The following LZTS1 variants were observed in gnomAD, a reference collection of about 807,000 sequenced individuals.
LZTS1 encodes the protein leucine zipper tumor suppressor 1.
A neutral mutation model predicts 45.8 loss-of-function variants in LZTS1; 31 were observed. The observed-to-expected ratio is 0.68, with a 90% CI of 0.51 to 0.91. LZTS1 has a LOEUF of 0.91. LZTS1 is among the 40% of genes least tolerant of loss of function. LZTS1 has a pLI of 0.00. For synonymous variants in LZTS1, 359 were observed against 357.3 expected (o/e 1.00, Z -0.05); for missense variants, 821 against 788.9 (o/e 1.04, Z -0.49).
intron 1 of LZTS1, among the ~76,000 whole-genome samples, chr8:20,269,330 G>A (rs1487661827): frequency 1.3e-5 from 2 of 152,190 alleles, no homozygotes; most frequent in Non-Finnish European, 2.9e-5. Context: ...CTGGGCATCT[G>A]GCTAGACTCC....
rs779919426 is a variant in LZTS1, at chr8:20,255,200, A to G, written c.-19T>C. On this transcript the variant is annotated 5_prime_UTR_variant, in exon 2 of 4. Transcript: ENST00000381569. ...TGCCCATGGTGACTCGGGGCTGAGG[A>G]TGGGGCAGGGCCGGGCAGGGTCTTG... The G allele has an allele frequency of 1.2e-6, 2 of 1,602,906 alleles. No individual in the cohort carries two copies. Among genetic ancestry groups the G allele is most frequent in the East Asian group, 4.5e-5 (2 of 44,792 alleles).
Position 20,249,862 on chromosome 8 carries a change from C to T in LZTS1, c.1651G>A (p.Val551Met), listed in dbSNP as rs1194150501. The part of the protein sequence containing the change: ...QYQKQLQQSY[V>M]AMYQRNQRLE... ...CGCTGGTTCCGCTGGTACATGGCCA[C>T]GTAGCTCTGCTGCAGCTGTTTCTGG... is the stretch of plus-strand genomic sequence containing the variant. Residue 551 changes from valine (V) to methionine (M), a missense_variant, in exon 4 of 4, where the codon GTG (valine) becomes ATG (methionine). Transcript: ENST00000381569. The T allele has an allele frequency of 9.9e-6, 16 of 1,614,094 alleles. No homozygotes were observed. The Admixed American group carries it at 1.8e-4, about 18-fold the overall frequency.
At chr8:20,272,780 C>A (rs1023789220) in intron 1 of LZTS1, among the ~76,000 whole-genome samples, 2 of 152,240 alleles carry the variant, frequency 1.3e-5, no homozygotes, top group African/African-American at 4.8e-5. Flanking sequence ...AGAAGTCTGT[C>A]TTCATCTCAG....
chr8:20,303,330 C>T (rs908490519), intron 1 of LZTS1, among the ~76,000 whole-genome samples: 1 of 152,182 alleles, frequency 6.6e-6, no homozygotes, highest in Non-Finnish European at 1.5e-5. Flanking sequence ...GGACCGACCG[C>T]CGGACCCTCT....
In LZTS1 at chr8:20,250,237, G is replaced by T; in HGVS notation, c.1276C>A (p.Leu426Met). The T allele has an allele frequency of 6.2e-7, 1 of 1,613,326 alleles. No homozygotes were observed. Among genetic ancestry groups the T allele is most frequent in the South Asian group, 1.1e-5 (1 of 91,090 alleles). Residue 426 changes from leucine (L) to methionine (M), a missense_variant, in exon 4 of 4, where the codon CTG becomes ATG. Transcript: ENST00000381569. ...TGGGTCCTCAGCTCCAGGCCCTCCA[G>T]CTTGCCCCGCGTGTCCTTCAGCTGT... is the stretch of plus-strand genomic sequence containing the variant. ...KAQLKDTRGK[L>M]EGLELRTQDL...
intron 1 of LZTS1, among the ~76,000 whole-genome samples, chr8:20,297,086 G>A (rs968276533): frequency 6.6e-6 from 1 of 152,156 alleles, no homozygotes; most frequent in Non-Finnish European, 1.5e-5. Context: ...CTCCATGTGT[G>A]ATTGCCCCTG....
chr8:20,279,848 A>G (rs541302729), intron 1 of LZTS1, among the ~76,000 whole-genome samples: 1 of 151,472 alleles, frequency 6.6e-6, no homozygotes, highest in East Asian at 2.0e-4. Flanking sequence ...TAAGCTGGGC[A>G]TGGTAGCACA....
intron 1 of LZTS1, among the ~76,000 whole-genome samples, chr8:20,271,573 C>T (rs1368514297): frequency 6.6e-6 from 1 of 152,176 alleles, no homozygotes; most frequent in Non-Finnish European, 1.5e-5. Flanking sequence ...CCTCCTTGCC[C>T]TTCTGGCCCC....
rs149813073 is a variant in LZTS1 at position 20,267,733 on chromosome 8, T to C, written c.-134-12418A>G. Among the ~76,000 whole-genome samples, 651 of 152,222 alleles carry C rather than the reference T, an allele frequency of 4.3e-3. 8 individuals carry two copies. The highest frequency in any genetic ancestry group is 0.015 in the African/African-American group (628 of 41,538). Reference sequence around the variant, plus strand: ...GGTTTCACCATGTTGGCCAGGATGGTCTCGATCTCTTGACCTCATGATCCA... The same window carrying C: ...GGTTTCACCATGTTGGCCAGGATGGCCTCGATCTCTTGACCTCATGATCCA... On this transcript the variant is annotated intron_variant, in intron 1 of 3. Transcript: ENST00000381569.
intron 1 of LZTS1, among the ~76,000 whole-genome samples, chr8:20,287,780 G>A (rs1800817842): frequency 1.3e-5 from 2 of 150,822 alleles, no homozygotes; most frequent in South Asian, 4.2e-4. Flanking sequence ...TACAAAATTA[G>A]CCAAGCATAG....
chr8:20,257,691 A>G (rs1440930772), intron 1 of LZTS1, among the ~76,000 whole-genome samples: 1 of 137,036 alleles, frequency 7.3e-6, no homozygotes, highest in African/African-American at 2.7e-5. Context: ...TTTTTTTGAG[A>G]TAGAGTCTCA....
At chr8:20,261,236 T>A (rs781778100) in intron 1 of LZTS1, among the ~76,000 whole-genome samples, 4 of 152,112 alleles carry the variant, frequency 2.6e-5, no homozygotes, top group Non-Finnish European at 5.9e-5. Context: ...ACACTCCACA[T>A]GGCATGCTAC....
intron 1 of LZTS1, among the ~76,000 whole-genome samples, chr8:20,283,264 T>C (rs1351733056): frequency 2.0e-5 from 3 of 152,096 alleles, no homozygotes; most frequent in African/African-American, 7.2e-5. Flanking sequence ...TATTAGGAGG[T>C]AGGGCCTTTG....
intron 1 of LZTS1, among the ~76,000 whole-genome samples, chr8:20,278,426 G>A (rs1407566482): frequency 6.6e-6 from 1 of 152,162 alleles, no homozygotes; most frequent in African/African-American, 2.4e-5. Flanking sequence ...GAATCAGGAG[G>A]AAATAACGCA....
chr8:20,295,677 G>C (rs768973384), intron 1 of LZTS1, among the ~76,000 whole-genome samples: 8 of 152,186 alleles, frequency 5.3e-5, no homozygotes, highest in Non-Finnish European at 8.8e-5. Context: ...TCAAATGGGA[G>C]TGACAAGTAC....
chr8:20,302,752 A>T (rs1801102934), intron 1 of LZTS1, among the ~76,000 whole-genome samples: 1 of 152,202 alleles, frequency 6.6e-6, no homozygotes, highest in African/African-American at 2.4e-5. Flanking sequence ...GAGACAGGAA[A>T]CACTTTAGGA....
At chr8:20,301,802 A>C (rs1455469330) in intron 1 of LZTS1, among the ~76,000 whole-genome samples, 1 of 152,078 alleles carries the variant, frequency 6.6e-6, no homozygotes, top group African/African-American at 2.4e-5. Context: ...CGACCCAGGC[A>C]CACACAGCTG....
intron 1 of LZTS1, among the ~76,000 whole-genome samples, chr8:20,266,805 G>T (rs1277123932): frequency 6.6e-6 from 1 of 152,064 alleles, no homozygotes; most frequent in Non-Finnish European, 1.5e-5. Context: ...TTGTAGGAAA[G>T]GAGGTGAAAG....
At chr8:20,257,272 A>C (rs987510147) in intron 1 of LZTS1, among the ~76,000 whole-genome samples, 2 of 152,162 alleles carry the variant, frequency 1.3e-5, no homozygotes, top group Admixed American at 6.5e-5. Context: ...AGGCATGAGA[A>C]TAGCTTGAAC....
Sources: allele counts gnomAD v4.1 joint callset (sites outside exome capture counted in the v4.1 genomes callset), GRCh38; gene constraint gnomAD v4.1.1; transcripts MANE v1.5; gene names NCBI Gene and HGNC (gene_info 2026-07-23, HGNC 2026-07-21).